The following PHF3 variants were observed in gnomAD, a reference collection of about 807,000 sequenced individuals.
PHF3 encodes PHD finger protein 3.
A neutral mutation model predicts 178.4 loss-of-function variants in PHF3; 41 were observed. That is an observed-to-expected ratio of 0.23 (90% CI 0.18 to 0.30). The LOEUF is 0.30. Ranked by LOEUF, PHF3 falls within the 10% of genes least tolerant of loss-of-function variation. The probability of loss-of-function intolerance (pLI) is 1.00; values close to 1 mark genes in which losing one functional copy is unlikely to be tolerated. For missense variants in PHF3, 2,346 were observed against 2,398.1 expected (o/e 0.98, Z 0.45); for synonymous variants, 842 against 800.5 (o/e 1.05, Z -0.88).
At position 63,685,199 on chromosome 6, in the gene PHF3, C is replaced by A. The variant is rs1183631613; in HGVS notation, c.1477C>A (p.Pro493Thr). 4 of 1,613,734 alleles carry A rather than the reference C, an allele frequency of 2.5e-6. No homozygotes were observed. In the Admixed American group the frequency reaches 6.7e-5, roughly 27 times the overall value. ...SKSVKSKHTK[P>T]VIHSKQNMTT... is the part of the protein sequence containing the mutation. ...AAGTGTAAAATCCAAACATACAAAA[C>A]CTGTAATTCATTCTAAGCAAAACAT... The change falls in exon 4 of 16, where the codon CCT becomes ACT. Residue 493 changes from proline to threonine, a missense_variant. Pro to Thr is a conservative substitution (Grantham distance 38, BLOSUM62 -1). This residue lies in a region of PHF3 where 843 missense variants were observed against 795.2 expected (regional missense o/e 1.06). Coordinates refer to ENST00000262043, the MANE Select transcript of PHF3 (RefSeq NM_001370348.2).
At chr6:63,669,733 T>A (rs887096046) in intron 2 of PHF3, among the ~76,000 whole-genome samples, 16 of 152,320 alleles carry the variant, frequency 1.1e-4, no homozygotes, top group African/African-American at 3.8e-4. Flanking sequence ...GATTACCCAT[T>A]CTAAACTGTT....
intron 2 of PHF3, among the ~76,000 whole-genome samples, chr6:63,668,581 A>G (rs1157065513): frequency 6.6e-6 from 1 of 151,998 alleles, no homozygotes; most frequent in Non-Finnish European, 1.5e-5. Flanking sequence ...GGCTCAAGTG[A>G]TTGTCCCACA....
Position 63,691,980 on chromosome 6 carries a change from A to G in PHF3, c.2433A>G (p.Thr811=). The part of the protein sequence containing the change: ...ECEKLGLSKH[T]TNDRTKYIDD... ...AAAAGCTTGGATTATCAAAACACAC[A>G]ACAAATGATAGAACCAAATATATAG... is the stretch of plus-strand genomic sequence containing the variant. Residue 811 remains threonine, a synonymous_variant, in exon 5 of 16, where the codon ACA becomes ACG. Coordinates refer to ENST00000262043, the MANE Select transcript of PHF3 (RefSeq NM_001370348.2). 2 of 1,613,764 alleles carry G rather than the reference A, an allele frequency of 1.2e-6. No individual in the cohort carries two copies. Among genetic ancestry groups the G allele is most frequent in the South Asian group, 1.1e-5 (1 of 91,064 alleles).
At chr6:63,636,277 C>A in intron 1 of PHF3, 127 bp downstream of exon 1, 1 of 242,028 alleles carries the variant, frequency 4.1e-6, no homozygotes, top group Non-Finnish European at 7.9e-6. Context: ...CGCTTTTCTC[C>A]CGCGCAGCCG....
Position 63,674,704 on chromosome 6 carries a change from G to A in PHF3, c.245-5296G>A, listed in dbSNP as rs1766091226. 2.6e-5 allele frequency among the ~76,000 whole-genome samples: 4 copies of A among 152,216 alleles called. 1 individual carries two copies. In the South Asian group the frequency reaches 8.3e-4, roughly 32 times the overall value. ...CTATACTTAACACAGCCCCTATAAA[G>A]TAGATATCTATTCTTTATTGTTGTG... On this transcript the variant is annotated intron_variant, in intron 2 of 15. Coordinates refer to ENST00000262043, the MANE Select transcript of PHF3 (RefSeq NM_001370348.2).
intron 9 of PHF3, 128 bp downstream of exon 9, chr6:63,700,594 T>C: frequency 1.9e-6 from 1 of 539,016 alleles, no homozygotes; most frequent in Non-Finnish European, 3.4e-6. Context: ...ACATGCTTCT[T>C]TTTTTTTTGA....
chr6:63,684,060 A>G, intron 3 of PHF3, 69 bp from the exon 4 acceptor site: 1 of 1,213,680 alleles, frequency 8.2e-7, no homozygotes. Context: ...TATATTCTAA[A>G]TTGTATTGAA....
At chr6:63,665,705 T>A (rs1256467308) in intron 2 of PHF3, among the ~76,000 whole-genome samples, 2 of 152,052 alleles carry the variant, frequency 1.3e-5, no homozygotes, top group Non-Finnish European at 2.9e-5. Context: ...GCCAGGCTAG[T>A]TTCGAACTCC....
chr6:63,711,955 C>T lies in PHF3; in HGVS notation c.4367C>T (p.Thr1456Ile), dbSNP rs778390619. The T allele has an allele frequency of 1.2e-6, 2 of 1,613,818 alleles. No homozygotes were observed. Among genetic ancestry groups the T allele is most frequent in the Non-Finnish European group, 8.5e-7 (1 of 1,179,922 alleles). Residue 1456 changes from threonine to isoleucine, a missense_variant, in exon 16 of 16, where the codon ACT becomes ATT. Thr to Ile is a moderately conservative substitution (Grantham distance 89). This residue lies in a region of PHF3 where 839 missense variants were observed against 806.9 expected (regional missense o/e 1.04). Transcript: ENST00000262043. ...ATTGGCTGGGAGAATCAACCTACTA[C>T]TCTGGAATTAGCAAATAAACCTCTT... is the stretch of plus-strand genomic sequence containing the variant. ...VLIGWENQPT[T>I]LELANKPLPV...
At position 63,721,808 on chromosome 6, in the gene PHF3, G is replaced by A. The variant is rs933127002; in HGVS notation, c.*8100G>A. On this transcript the variant is annotated 3_prime_UTR_variant, in exon 16 of 16. Transcript: ENST00000262043. ...TGCATAAAAAATCACCTGCAAGAAA[G>A]CAAACAGTAAGTTTGATTAGCAACA... 9.1e-6 allele frequency: 14 copies of A among 1,535,576 alleles called. No homozygotes were observed. Among genetic ancestry groups the A allele is most frequent in the Non-Finnish European group, 1.2e-5 (14 of 1,139,598 alleles).
intron 2 of PHF3, among the ~76,000 whole-genome samples, chr6:63,662,294 TAGAC>T (rs2149557307): frequency 1.3e-5 from 2 of 152,290 alleles, no homozygotes; most frequent in South Asian, 4.1e-4. Flanking sequence ...ATGCCTTAAA[TAGAC>T]AGGAGAAGCT....
chr6:63,641,135 A>T (rs1239924669), intron 1 of PHF3, among the ~76,000 whole-genome samples: 1 of 152,186 alleles, frequency 6.6e-6, no homozygotes, highest in Non-Finnish European at 1.5e-5. Context: ...ATGCCTGATG[A>T]AATTGCTTAT....
intron 2 of PHF3, among the ~76,000 whole-genome samples, chr6:63,651,357 TTTTC>T (rs1198075669): frequency 2.6e-5 from 4 of 152,070 alleles, no homozygotes; most frequent in African/African-American, 7.2e-5. Flanking sequence ...AGCTGTAATT[TTTTC>T]TTTTTTTTCC....
chr6:63,695,677 T>A (rs988322339), intron 6 of PHF3, among the ~76,000 whole-genome samples: 2 of 152,144 alleles, frequency 1.3e-5, no homozygotes, highest in African/African-American at 4.8e-5. Flanking sequence ...GTAGCCTGAT[T>A]AGTCCGTAGC....
chr6:63,653,912 C>A (rs1765124045), intron 2 of PHF3, among the ~76,000 whole-genome samples: 2 of 152,140 alleles, frequency 1.3e-5, no homozygotes, highest in South Asian at 4.1e-4. Context: ...GTTCTTCATT[C>A]TGTTGATGTG....
chr6:63,684,045 A>G (rs1766556201), intron 3 of PHF3, 84 bp from the exon 4 acceptor site: 1 of 1,052,556 alleles, frequency 9.5e-7, no homozygotes. Flanking sequence ...AGAATAAAGA[A>G]GTGATATATT....
rs1170765557 is a variant in PHF3, at chr6:63,724,104, GC to G, written c.*10398del. Among the ~76,000 whole-genome samples the G allele has an allele frequency of 6.6e-6, 1 of 152,120 alleles. No homozygotes were observed. Among genetic ancestry groups the G allele is most frequent in the Non-Finnish European group, 1.5e-5 (1 of 68,024 alleles). On this transcript the variant is annotated 3_prime_UTR_variant, in exon 16 of 16. Coordinates refer to ENST00000262043, the MANE Select transcript of PHF3 (RefSeq NM_001370348.2). ...TTACAGGCATATGCCACTGCACCTG[GC>G]CTTGGATTCGCATTAGAGTAAGAAA...
At chr6:63,665,100 C>T (rs761723647) in intron 2 of PHF3, among the ~76,000 whole-genome samples, 5 of 152,062 alleles carry the variant, frequency 3.3e-5, no homozygotes, top group Non-Finnish European at 7.4e-5. Flanking sequence ...TTAAGTGCCA[C>T]ATTTCATTTT....
chr6:63,689,856 T>C (rs905144319), intron 4 of PHF3, among the ~76,000 whole-genome samples: 18 of 152,202 alleles, frequency 1.2e-4, no homozygotes, highest in Non-Finnish European at 2.1e-4. Context: ...AAGTCATGTC[T>C]CACTGAAACT....
Sources: gnomAD v4.1 joint callset for allele counts (sites outside exome capture counted in the v4.1 genomes callset) on GRCh38, gnomAD v4.1.1 for gene constraint, gnomAD v4.1.1 regional missense constraint, MANE v1.5 for transcripts, NCBI Gene and HGNC (gene_info 2026-07-23, HGNC 2026-07-21) for gene names.